Variants in RTN4RL2 observed in about 807,000 individuals in gnomAD.
RTN4RL2 encodes the protein reticulon 4 receptor like 2.
RTN4RL2 carries 9 observed loss-of-function variants against 27.8 expected under a neutral mutation model. The observed-to-expected ratio is 0.32, with a 90% CI of 0.20 to 0.57. The LOEUF (loss-of-function observed/expected upper bound fraction) is 0.57, where lower values mean the gene tolerates loss of function less well. Among genes scored for constraint, RTN4RL2 ranks in the 20% least tolerant of loss-of-function variants. The pLI is 0.90. For missense variants in RTN4RL2, 436 were observed against 596.8 expected (o/e 0.73, Z 2.81); for synonymous variants, 285 against 297.9 (o/e 0.96, Z 0.45).
At chr11:57,474,759 T>C (rs1421989007) in intron 2 of RTN4RL2, among the ~76,000 whole-genome samples, 1 of 152,178 alleles carries the variant, frequency 6.6e-6, no homozygotes, top group Admixed American at 6.5e-5. Flanking sequence ...CAGAATCCCC[T>C]GGTGAGCTGG....
In RTN4RL2 at chr11:57,460,667, T is replaced by G. The variant is rs1217125753; in HGVS notation, c.-199T>G. 1 of 258,896 alleles carries G rather than the reference T, an allele frequency of 3.9e-6. No homozygotes were observed. Among genetic ancestry groups the G allele is most frequent in the Non-Finnish European group, 7.3e-6 (1 of 137,486 alleles). The allele number at this position is 258,896 out of a possible 1,614,324, so 16.0% of individuals were successfully genotyped here. A position where few individuals can be genotyped will look rare whatever the true frequency, so the allele number is the denominator to read the frequency against. ...CCCCGCCCCGTCGCGCCCCGCCCCG[T>G]CCCGTCGGGGCCGATGGCTCCTCCC... is the stretch of plus-strand genomic sequence containing the variant. On this transcript the variant is annotated 5_prime_UTR_variant, in exon 1 of 3. Transcript: ENST00000335099.
rs892005787 is a variant in RTN4RL2 at position 57,477,200 on chromosome 11, C to T, written c.*289C>T. 2 of 367,950 alleles carry T rather than the reference C, an allele frequency of 5.4e-6. No homozygotes were observed. Among genetic ancestry groups the T allele is most frequent in the African/African-American group, 2.1e-5 (1 of 47,720 alleles). 22.8% of individuals were successfully genotyped at this position (367,950 alleles called of 1,614,324 possible). Reference sequence around the variant, plus strand: ...GCTGGGGTGGGGCCCCCCAGGCAGCCGCTGACCCGCACTCCTAAGGGCCCA... The same window carrying T: ...GCTGGGGTGGGGCCCCCCAGGCAGCTGCTGACCCGCACTCCTAAGGGCCCA... On this transcript the variant is annotated 3_prime_UTR_variant, in exon 3 of 3. Transcript: ENST00000335099.
rs1442011306 is a variant in RTN4RL2, at chr11:57,467,679, C to T, written c.102C>T (p.Leu34=). ...TGGCGGCCCCCAGCTGCCCCATGCT[C>T]TGCACCTGCTACTCATCCCCGCCCA... ...LPLAAPSCPM[L]CTCYSSPPTV... is the part of the protein sequence containing the mutation. The change falls in exon 2 of 3, where the codon CTC becomes CTT. Residue 34 remains leucine (L), a synonymous_variant. Coordinates refer to ENST00000335099, the MANE Select transcript of RTN4RL2 (RefSeq NM_178570.3). The surrounding 1 kb of genome is among the most constrained non-coding windows in gnomAD (Gnocchi z 5.5). 3 of 1,611,676 alleles carry T rather than the reference C, an allele frequency of 1.9e-6. No homozygotes were observed. Among genetic ancestry groups the T allele is most frequent in the Non-Finnish European group, 2.5e-6 (3 of 1,179,968 alleles).
At chr11:57,468,504 A>C in intron 2 of RTN4RL2, 2 of 1,443,058 alleles carry the variant, frequency 1.4e-6, no homozygotes, top group Non-Finnish European at 1.9e-6. Context: ...GCGTGTGTGT[A>C]TCTGTCTCTT....
chr11:57,474,863 T>A (rs1943587308), intron 2 of RTN4RL2, among the ~76,000 whole-genome samples: 1 of 152,158 alleles, frequency 6.6e-6, no homozygotes, highest in Admixed American at 6.5e-5. Flanking sequence ...CCAAGGTCCT[T>A]TCTGCACTAA....
At chr11:57,469,442 C>T (rs61886982) in intron 2 of RTN4RL2, among the ~76,000 whole-genome samples, 8,873 of 151,964 alleles carry the variant, frequency 0.058, 292 homozygotes, top group Non-Finnish European at 0.074. Context: ...CATTTACAAG[C>T]GTGTGACATT....
chr11:57,460,941 GA>G, intron 1 of RTN4RL2, 45 bp downstream of exon 1: 1 of 1,269,000 alleles, frequency 7.9e-7, no homozygotes. Flanking sequence ...CCTGGGGAGA[GA>G]AGCAGGGCGT....
At chr11:57,475,060 G>A (rs953784290) in intron 2 of RTN4RL2, among the ~76,000 whole-genome samples, 2 of 152,148 alleles carry the variant, frequency 1.3e-5, no homozygotes, top group Non-Finnish European at 2.9e-5. Context: ...CTCTTTTAAA[G>A]AAAAGGGACA....
At chr11:57,463,389 T>C (rs1943497629) in intron 1 of RTN4RL2, among the ~76,000 whole-genome samples, 1 of 151,836 alleles carries the variant, frequency 6.6e-6, no homozygotes. Flanking sequence ...GCAGAGAGGG[T>C]GGGGGAGGCT....
intron 2 of RTN4RL2, among the ~76,000 whole-genome samples, chr11:57,474,928 G>C (rs1943587675): frequency 6.6e-6 from 1 of 152,180 alleles, no homozygotes; most frequent in Non-Finnish European, 1.5e-5. Context: ...GCGCCTCTAA[G>C]GGGAGTAGTA....
At position 57,476,842 on chromosome 11, in the gene RTN4RL2, C is replaced by G. The variant is rs754966535; in HGVS notation, c.1194C>G (p.Gly398=). The change falls in exon 3 of 3, where the codon GGC becomes GGG. Residue 398 remains glycine, a synonymous_variant. Transcript: ENST00000335099. The surrounding 1 kb of genome is among the most constrained non-coding windows in gnomAD (Gnocchi z 8.2). ...GCCAGGCGCCCCCGGACTCCCGAGGCCCTGCGCTCTCGGCCGGGCTCCCCA... is the reference window on the plus strand; with the variant it reads ...GCCAGGCGCCCCCGGACTCCCGAGGGCCTGCGCTCTCGGCCGGGCTCCCCA... ...AACQAPPDSR[G]PALSAGLPSP... The G allele has an allele frequency of 1.8e-5, 29 of 1,572,256 alleles. No individual in the cohort carries two copies. The highest frequency in any genetic ancestry group is 2.5e-5 in the Non-Finnish European group (29 of 1,164,696).
At chr11:57,465,174 G>A (rs1943512797) in intron 1 of RTN4RL2, among the ~76,000 whole-genome samples, 1 of 152,234 alleles carries the variant, frequency 6.6e-6, no homozygotes, top group Admixed American at 6.5e-5. Flanking sequence ...AGGAACACCA[G>A]GGCAGCTGGG....
At chr11:57,464,412 C>T (rs938221087) in intron 1 of RTN4RL2, among the ~76,000 whole-genome samples, 6 of 152,198 alleles carry the variant, frequency 3.9e-5, no homozygotes, top group African/African-American at 1.4e-4. Flanking sequence ...TGTAATCCTC[C>T]AGGGGCTAGC....
Position 57,467,531 on chromosome 11 carries a change from C to T in RTN4RL2, c.32-78C>T. The T allele has an allele frequency of 1.3e-6, 2 of 1,531,462 alleles. No individual in the cohort carries two copies. The highest frequency in any genetic ancestry group is 2.0e-5 in the Admixed American group (1 of 49,072). The allele number at this position is 1,531,462 out of a possible 1,614,324, so 94.9% of individuals were successfully genotyped here. ...ATTCAGCCGGGTCTAGGCCTTTTACCAAGTTGGGGGGCTGGCCCCCAGCTG... is the reference window on the plus strand; with the variant it reads ...ATTCAGCCGGGTCTAGGCCTTTTACTAAGTTGGGGGGCTGGCCCCCAGCTG... On this transcript the variant is annotated intron_variant, in intron 1 of 2. Coordinates refer to ENST00000335099, the MANE Select transcript of RTN4RL2 (RefSeq NM_178570.3). This position sits in a 1 kb window ranked among gnomAD's most constrained non-coding sequence, Gnocchi z 5.5.
intron 1 of RTN4RL2, 87 bp downstream of exon 1, chr11:57,460,983 T>C: frequency 1.2e-6 from 1 of 827,106 alleles, no homozygotes; most frequent in Non-Finnish European, 1.7e-6. Context: ...GGTGGGGCAG[T>C]TGGGGAGGTG....
chr11:57,467,709 G>T lies in RTN4RL2; in HGVS notation c.132G>T (p.Val44=). The change falls in exon 2 of 3, where the codon GTG becomes GTT. Residue 44 remains valine (V), a synonymous_variant. Transcript: ENST00000335099. The surrounding 1 kb of genome is among the most constrained non-coding windows in gnomAD (Gnocchi z 5.5). ...CCTGCTACTCATCCCCGCCCACCGT[G>T]AGCTGCCAGGCCAACAACTTCTCCT... is the stretch of plus-strand genomic sequence containing the variant. ...LCTCYSSPPT[V]SCQANNFSSV... The T allele has an allele frequency of 6.2e-7, 1 of 1,612,468 alleles. No homozygotes were observed. The highest frequency in any genetic ancestry group is 1.3e-5 in the African/African-American group (1 of 75,000).
intron 1 of RTN4RL2, 144 bp downstream of exon 1, chr11:57,461,040 C>G: frequency 4.2e-6 from 2 of 475,860 alleles, no homozygotes; most frequent in Non-Finnish European, 7.0e-6. Context: ...GCCGCGCCCC[C>G]GCCGCCAGGG....
Position 57,476,457 on chromosome 11 carries a change from G to A in RTN4RL2, c.809G>A (p.Arg270Gln), listed in dbSNP as rs1315737888. ...CCCTGGGCGTGCGACTGCCGCGCGC[G>A]GCCGCTCTGGGCCTGGTTCCAGCGC... is the stretch of plus-strand genomic sequence containing the variant. ...ANPWACDCRA[R>Q]PLWAWFQRAR... The change falls in exon 3 of 3, where the codon CGG becomes CAG. Residue 270 changes from arginine to glutamine, a missense_variant. Physicochemically the swap from Arg to Gln is conservative, Grantham distance 43. Around this residue, in one of 3 missense-constraint regions of RTN4RL2, gnomAD observed 365 missense variants for 530.5 expected, o/e 0.69. Coordinates refer to ENST00000335099, the MANE Select transcript of RTN4RL2 (RefSeq NM_178570.3). This position sits in a 1 kb window ranked among gnomAD's most constrained non-coding sequence, Gnocchi z 8.2. 11 of 1,556,952 alleles carry A rather than the reference G, an allele frequency of 7.1e-6. No individual in the cohort carries two copies. The highest frequency in any genetic ancestry group is 5.6e-5 in the Admixed American group (3 of 53,856).
chr11:57,477,049 G>C lies in RTN4RL2; in HGVS notation c.*138G>C, dbSNP rs541385038. 6.9e-6 allele frequency: 6 copies of C among 874,558 alleles called. No individual in the cohort carries two copies. Among genetic ancestry groups the C allele is most frequent in the Non-Finnish European group, 1.6e-6 (1 of 609,714 alleles). 54.2% of individuals were successfully genotyped at this position (874,558 alleles called of 1,614,324 possible). ...CCCTCCCAGCTCCTCTCCTCCCCGG[G>C]GAGCAGGCCGCCTCTCCTTGCCTGC... On this transcript the variant is annotated 3_prime_UTR_variant, in exon 3 of 3. Coordinates refer to ENST00000335099, the MANE Select transcript of RTN4RL2 (RefSeq NM_178570.3).
Sources: allele counts gnomAD v4.1 joint callset (sites outside exome capture counted in the v4.1 genomes callset), GRCh38; gene constraint gnomAD v4.1.1; regional missense constraint gnomAD v4.1.1; non-coding constraint Gnocchi (gnomAD v3.1); transcripts MANE v1.5; gene names NCBI Gene and HGNC (gene_info 2026-07-23, HGNC 2026-07-21).